RAPGEF6: variants seen among roughly 807,000 people sequenced by gnomAD.
RAPGEF6 encodes the protein PDZ domain containing guanine nucleotide exchange factor (GEF) 2.
In RAPGEF6, 56 loss-of-function variants were observed where a neutral mutation model predicts 171.4. That is an observed-to-expected ratio of 0.33 (90% CI 0.26 to 0.41). The LOEUF is 0.41. RAPGEF6 is among the 10% of genes least tolerant of loss of function. The pLI is 1.00. For synonymous variants in RAPGEF6, 692 were observed against 650.1 expected (o/e 1.06, Z -0.98); for missense variants, 1,674 against 1,921.4 (o/e 0.87, Z 2.41).
chr5:131,617,064 A>G (rs1169889830), intron 1 of RAPGEF6, among the ~76,000 whole-genome samples: 5 of 152,242 alleles, frequency 3.3e-5, no homozygotes, highest in Non-Finnish European at 7.3e-5. Context: ...ATTCAACTGT[A>G]TCATACATAC....
At chr5:131,607,703 G>A (rs1001603584) in intron 1 of RAPGEF6, among the ~76,000 whole-genome samples, 2 of 152,120 alleles carry the variant, frequency 1.3e-5, no homozygotes, top group Non-Finnish European at 2.9e-5. Flanking sequence ...AGAGTCCTTG[G>A]TAACACACAT....
At chr5:131,560,878 TA>T (rs1761555537) in intron 5 of RAPGEF6, among the ~76,000 whole-genome samples, 1 of 152,222 alleles carries the variant, frequency 6.6e-6, no homozygotes, top group Non-Finnish European at 1.5e-5. Flanking sequence ...TATTTGAAGG[TA>T]TCAATCTGAC....
intron 21 of RAPGEF6, chr5:131,450,106 G>T: frequency 2.0e-6 from 3 of 1,466,724 alleles, no homozygotes; most frequent in South Asian, 2.4e-5. Context: ...ACAGAAAAAA[G>T]ACAACAGTTG....
intron 4 of RAPGEF6, among the ~76,000 whole-genome samples, chr5:131,589,321 G>A (rs576520166): frequency 1.1e-4 from 16 of 152,228 alleles, no homozygotes; most frequent in African/African-American, 3.9e-4. Context: ...TATATATATA[G>A]TATAAGATAT....
intron 4 of RAPGEF6, among the ~76,000 whole-genome samples, chr5:131,572,945 G>T (rs1488775006): frequency 6.6e-6 from 1 of 151,998 alleles, no homozygotes; most frequent in Non-Finnish European, 1.5e-5. Flanking sequence ...GTCAAAAATT[G>T]CGCAAATGGT....
chr5:131,483,945 C>A (rs1755683941), intron 15 of RAPGEF6, among the ~76,000 whole-genome samples: 1 of 151,298 alleles, frequency 6.6e-6, no homozygotes, highest in Admixed American at 6.6e-5. Context: ...CTAAAGAATA[C>A]AAAAAATTAG....
At chr5:131,471,276 T>C (rs754489017) in intron 17 of RAPGEF6, among the ~76,000 whole-genome samples, 13 of 152,168 alleles carry the variant, frequency 8.5e-5, no homozygotes, top group Admixed American at 6.5e-4. Flanking sequence ...CAGAACAGGT[T>C]ACTGGGTTTA....
intron 11 of RAPGEF6, among the ~76,000 whole-genome samples, chr5:131,501,679 T>C (rs1757035852): frequency 2.0e-5 from 3 of 151,970 alleles, no homozygotes; most frequent in South Asian, 4.1e-4. Flanking sequence ...GGTGTTGTTA[T>C]ACTGGCATGG....
intron 6 of RAPGEF6, among the ~76,000 whole-genome samples, chr5:131,527,753 C>T (rs561877354): frequency 3.3e-5 from 5 of 151,988 alleles, no homozygotes; most frequent in African/African-American, 7.2e-5. Context: ...CGATGGCTCA[C>T]GCCTGTAATC....
intron 6 of RAPGEF6, among the ~76,000 whole-genome samples, chr5:131,534,175 C>A (rs1759597982): frequency 6.6e-6 from 1 of 152,044 alleles, no homozygotes; most frequent in South Asian, 2.1e-4. Context: ...GGGTGTGCAA[C>A]ATAAGAGGAG....
chr5:131,442,070 GAATGCAGT>G (rs1752419595), intron 23 of RAPGEF6, among the ~76,000 whole-genome samples: 1 of 152,170 alleles, frequency 6.6e-6, no homozygotes, highest in African/African-American at 2.4e-5. Flanking sequence ...ATACACCTCT[GAATGCAGT>G]AAGCCCTTGG....
chr5:131,450,529 G>A (rs1335830374), intron 21 of RAPGEF6, among the ~76,000 whole-genome samples: 2 of 152,134 alleles, frequency 1.3e-5, no homozygotes, highest in East Asian at 3.9e-4. Context: ...CTGACAAGAT[G>A]TCTTGTAAGA....
chr5:131,498,710 T>C (rs1756807943), intron 11 of RAPGEF6, 103 bp from the exon 12 acceptor site: 3 of 1,082,214 alleles, frequency 2.8e-6, no homozygotes, highest in Admixed American at 2.4e-5. Context: ...ATTAGACAAA[T>C]CGTCAAAGTA....
intron 21 of RAPGEF6, among the ~76,000 whole-genome samples, chr5:131,451,906 A>G (rs1443476039): frequency 6.6e-6 from 1 of 152,154 alleles, no homozygotes; most frequent in Non-Finnish European, 1.5e-5. Context: ...TTAAAACCAC[A>G]ATGTCTTATT....
chr5:131,631,336 C>T (rs762889312), intron 1 of RAPGEF6, among the ~76,000 whole-genome samples: 6 of 152,222 alleles, frequency 3.9e-5, no homozygotes, highest in African/African-American at 1.4e-4. Context: ...CAGCTTTTCC[C>T]ATCTCGCTGA....
At chr5:131,497,650 T>C (rs1413103818) in intron 12 of RAPGEF6, among the ~76,000 whole-genome samples, 1 of 152,240 alleles carries the variant, frequency 6.6e-6, no homozygotes, top group Non-Finnish European at 1.5e-5. Context: ...TAAATATATT[T>C]AATTCTAAGA....
chr5:131,548,122 T>G lies in RAPGEF6; in HGVS notation c.420A>C (p.Arg140Ser), dbSNP rs1196401363. 1 of 1,613,904 alleles carries G rather than the reference T, an allele frequency of 6.2e-7. No homozygotes were observed. The highest frequency in any genetic ancestry group is 1.3e-5 in the African/African-American group (1 of 74,922). ...QREIPARQSR[R>S]RFRKINYKGE... The stretch of plus-strand genomic sequence containing the variant: ...CTTTATAGTTAATTTTCCGAAATCT[T>G]CTTCGGGATTGTCTGGCAGGAATTT... Residue 140 changes from arginine (R) to serine (S), a missense_variant, in exon 6 of 28, where the codon AGA becomes AGC. Arg to Ser is a moderately radical substitution (Grantham distance 110). This residue lies in a region of RAPGEF6 where 1,116 missense variants were observed against 1,321.5 expected (regional missense o/e 0.84). Transcript: ENST00000509018.
intron 5 of RAPGEF6, among the ~76,000 whole-genome samples, chr5:131,548,651 CAAGT>C (rs1428826700): frequency 1.3e-5 from 2 of 152,186 alleles, no homozygotes; most frequent in African/African-American, 2.4e-5. Context: ...ACAACAGCCA[CAAGT>C]AAGGCTGGCA....
At chr5:131,447,955 C>T (rs1752828561) in intron 21 of RAPGEF6, among the ~76,000 whole-genome samples, 1 of 152,144 alleles carries the variant, frequency 6.6e-6, no homozygotes, top group African/African-American at 2.4e-5. Context: ...AAATCCAAAG[C>T]CATTAGTGAA....
Sources: allele counts gnomAD v4.1 joint callset (sites outside exome capture counted in the v4.1 genomes callset), GRCh38; gene constraint gnomAD v4.1.1; regional missense constraint gnomAD v4.1.1; transcripts MANE v1.5; gene names NCBI Gene and HGNC (gene_info 2026-07-23, HGNC 2026-07-21).